CACHD1: variants seen among roughly 807,000 people sequenced by gnomAD.
CACHD1 encodes the protein cache domain containing 1.
A neutral mutation model predicts 138.7 loss-of-function variants in CACHD1; 71 were observed. That is an observed-to-expected ratio of 0.51 (90% confidence interval 0.42 to 0.62). The LOEUF (loss-of-function observed/expected upper bound fraction) is 0.62, where lower values mean the gene tolerates loss of function less well. Among genes scored for constraint, CACHD1 ranks in the 20% least tolerant of loss-of-function variants. CACHD1 has a pLI of 0.00. For synonymous variants in CACHD1, 578 were observed against 591.5 expected, an observed-to-expected ratio of 0.98 and a Z score of 0.33; for missense variants, 1,389 against 1,625.3, an observed-to-expected ratio of 0.85 and a Z score of 2.50.
At chr1:64,643,274 T>G (rs967643828) in intron 8 of CACHD1, among the ~76,000 whole-genome samples, 2 of 152,084 alleles carry the variant, frequency 1.3e-5, no homozygotes, top group African/African-American at 4.8e-5. Flanking sequence ...TAGGAGGGGT[T>G]CAGGAATCTA....
At chr1:64,690,538 C>A (rs1007041277) in intron 26 of CACHD1, among the ~76,000 whole-genome samples, 24 of 151,946 alleles carry the variant, frequency 1.6e-4, no homozygotes, top group Non-Finnish European at 2.5e-4. Flanking sequence ...ACTTAGAATA[C>A]CAAAAGAAAT....
chr1:64,514,566 A>G (rs1477653047), intron 1 of CACHD1, among the ~76,000 whole-genome samples: 1 of 151,788 alleles, frequency 6.6e-6, no homozygotes, highest in African/African-American at 2.4e-5. Context: ...AGTTGTAGGC[A>G]GCTGAGCTAG....
intron 4 of CACHD1, among the ~76,000 whole-genome samples, chr1:64,604,993 G>T (rs1647294932): frequency 6.9e-6 from 1 of 144,486 alleles, no homozygotes; most frequent in South Asian, 2.2e-4. Flanking sequence ...TAAAGACAGA[G>T]TCTTGCTCTG....
intron 3 of CACHD1, among the ~76,000 whole-genome samples, chr1:64,601,520 T>C (rs940283697): frequency 6.6e-6 from 1 of 152,238 alleles, no homozygotes. Context: ...GAGCCTGGAC[T>C]AACAGTAAAA....
intron 2 of CACHD1, among the ~76,000 whole-genome samples, chr1:64,573,825 G>A (rs1646945308): frequency 6.6e-6 from 1 of 151,898 alleles, no homozygotes; most frequent in Admixed American, 6.6e-5. Context: ...ATAGCATAGG[G>A]TGATTACCAA....
intron 16 of CACHD1, among the ~76,000 whole-genome samples, chr1:64,666,848 C>CAAAAA (rs946649209): frequency 2.9e-5 from 1 of 33,944 alleles, no homozygotes; most frequent in Admixed American, 2.7e-4. Flanking sequence ...GATCCTGTCT[C>CAAAAA]AAAAAAAAAA....
chr1:64,676,001 AATAAT>A lies in CACHD1; in HGVS notation c.2975+20_2975+24del, dbSNP rs770222183. 167 of 166,234 alleles carry A rather than the reference AATAAT, an allele frequency of 1.0e-3. 1 individual carries two copies. In the African/African-American group the frequency reaches 0.01, roughly 10 times the overall value. 10.3% of individuals were successfully genotyped at this position (166,234 alleles called of 1,614,324 possible). On this transcript the variant is annotated intron_variant, in intron 21 of 26. Coordinates refer to ENST00000651257, the MANE Select transcript of CACHD1 (RefSeq NM_020925.4). ...GAGAACCGGTAAAATAATTAATAATAATAATAATAATAATAATAATAATAATAATA... is the reference window on the plus strand; with the variant it reads ...GAGAACCGGTAAAATAATTAATAATAAATAATAATAATAATAATAATAATA...
chr1:64,569,153 T>A (rs900206333), intron 2 of CACHD1, among the ~76,000 whole-genome samples: 1 of 152,112 alleles, frequency 6.6e-6, no homozygotes, highest in African/African-American at 2.4e-5. Context: ...ACTCCCGACA[T>A]CAGGTGATCC....
chr1:64,636,309 A>G (rs1367728570), intron 7 of CACHD1, among the ~76,000 whole-genome samples: 1 of 152,218 alleles, frequency 6.6e-6, no homozygotes, highest in Non-Finnish European at 1.5e-5. Flanking sequence ...ATAACTAATG[A>G]TGGTACATGG....
At chr1:64,474,154 T>A (rs1646161238) in intron 1 of CACHD1, among the ~76,000 whole-genome samples, 1 of 152,204 alleles carries the variant, frequency 6.6e-6, no homozygotes, top group Non-Finnish European at 1.5e-5. Flanking sequence ...CACTGAATAC[T>A]GTTCCCCTGA....
At chr1:64,644,870 G>T (rs2100666530) in intron 8 of CACHD1, among the ~76,000 whole-genome samples, 1 of 152,362 alleles carries the variant, frequency 6.6e-6, no homozygotes, top group South Asian at 2.1e-4. Context: ...TGCCGAGGCA[G>T]GCGGATCACC....
intron 7 of CACHD1, among the ~76,000 whole-genome samples, chr1:64,639,416 C>T (rs1334012768): frequency 6.6e-6 from 1 of 152,082 alleles, no homozygotes; most frequent in East Asian, 1.9e-4. Flanking sequence ...CAAGAATATT[C>T]CTAAAGTGTG....
chr1:64,650,161 T>G (rs1051818358), intron 9 of CACHD1, among the ~76,000 whole-genome samples: 4 of 152,258 alleles, frequency 2.6e-5, no homozygotes, highest in Middle Eastern at 3.2e-3. Context: ...ATCAAGAGTC[T>G]TCTGTCCCAG....
At chr1:64,502,342 A>C (rs566247566) in intron 1 of CACHD1, among the ~76,000 whole-genome samples, 1 of 152,330 alleles carries the variant, frequency 6.6e-6, no homozygotes, top group Non-Finnish European at 1.5e-5. Context: ...TGAACATATT[A>C]AACACTGGTT....
chr1:64,673,926 T>A (rs537023807), intron 19 of CACHD1, among the ~76,000 whole-genome samples: 1 of 152,300 alleles, frequency 6.6e-6, no homozygotes, highest in Non-Finnish European at 1.5e-5. Context: ...ATGTCTTTTT[T>A]TAGCTTAGAG....
intron 1 of CACHD1, 118 bp downstream of exon 1, chr1:64,471,060 C>G (rs960527809): frequency 6.8e-6 from 7 of 1,036,212 alleles, no homozygotes; most frequent in South Asian, 1.9e-5. Context: ...ACATAGAGCC[C>G]GGCTTCCCGT....
intron 1 of CACHD1, among the ~76,000 whole-genome samples, chr1:64,504,040 T>A (rs937598610): frequency 6.6e-5 from 10 of 152,162 alleles, no homozygotes; most frequent in Non-Finnish European, 4.4e-5. Flanking sequence ...AATATTTTTA[T>A]TTTTTTGAGA....
intron 4 of CACHD1, among the ~76,000 whole-genome samples, chr1:64,607,030 A>G (rs977063114): frequency 2.6e-5 from 4 of 152,214 alleles, no homozygotes; most frequent in Non-Finnish European, 5.9e-5. Flanking sequence ...GCAGTTGGAT[A>G]TACAAGTCTG....
At chr1:64,483,296 C>G (rs571877215) in intron 1 of CACHD1, among the ~76,000 whole-genome samples, 2 of 152,232 alleles carry the variant, frequency 1.3e-5, no homozygotes, top group African/African-American at 4.8e-5. Context: ...AAACTATATA[C>G]TTGAAGCTGC....
Sources: allele counts gnomAD v4.1 joint callset (sites outside exome capture counted in the v4.1 genomes callset), GRCh38; gene constraint gnomAD v4.1.1; transcripts MANE v1.5; gene names NCBI Gene and HGNC (gene_info 2026-07-23, HGNC 2026-07-21).